Variants in TBC1D12 observed in about 807,000 individuals in gnomAD.
The protein encoded by TBC1D12 is TBC1 domain family, member 12.
Under a neutral mutation model 86.7 loss-of-function variants are expected in TBC1D12, and 56 were observed. The observed-to-expected ratio is 0.65, with a 90% CI of 0.52 to 0.81. The LOEUF (loss-of-function observed/expected upper bound fraction) is 0.81, where lower values mean the gene tolerates loss of function less well. Among genes scored for constraint, TBC1D12 ranks in the 30% least tolerant of loss-of-function variants. TBC1D12 has a pLI of 0.00. For missense variants in TBC1D12, 1,023 were observed against 1,038.8 expected, an observed-to-expected ratio of 0.98 and a Z score of 0.21; for synonymous variants, 421 against 411.7, an observed-to-expected ratio of 1.02 and a Z score of -0.27.
At chr10:94,504,751 T>C (rs2056439978) in intron 6 of TBC1D12, among the ~76,000 whole-genome samples, 1 of 152,222 alleles carries the variant, frequency 6.6e-6, no homozygotes, top group African/African-American at 2.4e-5. Flanking sequence ...AGGAGTGTTC[T>C]AACAGTTATT....
At chr10:94,519,335 T>C (rs771584218) in intron 9 of TBC1D12, among the ~76,000 whole-genome samples, 2 of 152,202 alleles carry the variant, frequency 1.3e-5, no homozygotes, top group Non-Finnish European at 2.9e-5. Context: ...AAACATGGTG[T>C]GGTCTCTGTG....
At chr10:94,469,144 A>G (rs1242109634) in intron 2 of TBC1D12, among the ~76,000 whole-genome samples, 1 of 152,212 alleles carries the variant, frequency 6.6e-6, no homozygotes, top group Non-Finnish European at 1.5e-5. Context: ...AAAATCAAGT[A>G]TTATTCAGCC....
intron 9 of TBC1D12, among the ~76,000 whole-genome samples, chr10:94,513,818 C>T (rs751242915): frequency 2.8e-4 from 43 of 152,218 alleles, no homozygotes; most frequent in Non-Finnish European, 5.4e-4. Context: ...ATTGGTCTCC[C>T]ATAGTGCTGG....
chr10:94,423,855 T>C (rs1183509018), intron 1 of TBC1D12, among the ~76,000 whole-genome samples: 2 of 152,080 alleles, frequency 1.3e-5, no homozygotes, highest in African/African-American at 4.8e-5. Flanking sequence ...TGGGAGTAGG[T>C]TGTAGGCATG....
chr10:94,461,387 G>A (rs770629978), intron 2 of TBC1D12, among the ~76,000 whole-genome samples: 2 of 152,136 alleles, frequency 1.3e-5, no homozygotes, highest in Admixed American at 6.5e-5. Context: ...AGTTAGGTTA[G>A]AGCAGGTTAG....
intron 4 of TBC1D12, among the ~76,000 whole-genome samples, chr10:94,495,155 C>T (rs530676780): frequency 9.9e-5 from 15 of 152,060 alleles, no homozygotes; most frequent in East Asian, 1.9e-4. Context: ...TCCAGAGTGG[C>T]GGGGATTATA....
intron 3 of TBC1D12, among the ~76,000 whole-genome samples, chr10:94,476,672 A>G (rs2055992362): frequency 6.6e-6 from 1 of 152,222 alleles, no homozygotes; most frequent in Non-Finnish European, 1.5e-5. Flanking sequence ...TATGCTTTTT[A>G]CCGGGAATGT....
chr10:94,459,677 G>C (rs1462161944), intron 2 of TBC1D12, among the ~76,000 whole-genome samples: 2 of 152,326 alleles, frequency 1.3e-5, no homozygotes, highest in African/African-American at 4.8e-5. Flanking sequence ...GAGAATTTGA[G>C]TGCGGCACGG....
At chr10:94,408,259 A>AT (rs1283210209) in intron 1 of TBC1D12, among the ~76,000 whole-genome samples, 3 of 151,884 alleles carry the variant, frequency 2.0e-5, no homozygotes, top group Non-Finnish European at 2.9e-5. Context: ...ATAATTGGAG[A>AT]TTTTTTTCCC....
chr10:94,518,803 G>A (rs1842067772), intron 9 of TBC1D12, among the ~76,000 whole-genome samples: 2 of 152,156 alleles, frequency 1.3e-5, no homozygotes, highest in African/African-American at 2.4e-5. Flanking sequence ...GGCTGGACAC[G>A]GTGGCTCACG....
At chr10:94,505,819 A>C (rs935557497) in intron 6 of TBC1D12, among the ~76,000 whole-genome samples, 2 of 152,184 alleles carry the variant, frequency 1.3e-5, no homozygotes, top group Admixed American at 6.5e-5. Context: ...AAGCAAATCT[A>C]TATCTACTAA....
Position 94,434,129 on chromosome 10 carries a change from G to A in TBC1D12, c.972-7767G>A, listed in dbSNP as rs138128006. Among the ~76,000 whole-genome samples the A allele has an allele frequency of 1.8e-4, 27 of 152,272 alleles. No homozygotes were observed. The East Asian group carries it at 4.8e-3, about 27-fold the overall frequency. On this transcript the variant is annotated intron_variant, in intron 1 of 12. Transcript: ENST00000225235. ...TTTATCCATTTTGGTTCAAGTAAGT[G>A]TACCTAAGCTTTGTGGCAGAAGATG...
Position 94,402,780 on chromosome 10 carries a change from A to C in TBC1D12, c.167A>C (p.Glu56Ala). 2 of 1,547,058 alleles carry C rather than the reference A, an allele frequency of 1.3e-6. No individual in the cohort carries two copies. Among genetic ancestry groups the C allele is most frequent in the Non-Finnish European group, 1.7e-6 (2 of 1,145,638 alleles). Residue 56 changes from glutamate to alanine, a missense_variant, in exon 1 of 13, where the codon GAG becomes GCG. Coordinates refer to ENST00000225235, the MANE Select transcript of TBC1D12 (RefSeq NM_015188.2). ...VEPPEEADEEEEADEEEETPP... is the reference protein window; with the variant it reads ...VEPPEEADEEAEADEEEETPP... Reference sequence around the variant, plus strand: ...CCGCCGGAGGAGGCTGACGAGGAGGAGGAGGCTGACGAGGAGGAGGAGACG... The same window carrying C: ...CCGCCGGAGGAGGCTGACGAGGAGGCGGAGGCTGACGAGGAGGAGGAGACG...
chr10:94,472,008 G>T (rs2055914441), intron 2 of TBC1D12, among the ~76,000 whole-genome samples: 2 of 151,958 alleles, frequency 1.3e-5, no homozygotes, highest in Non-Finnish European at 2.9e-5. Context: ...TCTGTCTGGG[G>T]GTCTCCTTTT....
At chr10:94,480,903 A>G (rs1044870402) in intron 3 of TBC1D12, among the ~76,000 whole-genome samples, 1 of 151,950 alleles carries the variant, frequency 6.6e-6, no homozygotes, top group Non-Finnish European at 1.5e-5. Context: ...TTGAAAGTCA[A>G]AATTACTTCT....
At chr10:94,424,079 A>G (rs1224963717) in intron 1 of TBC1D12, among the ~76,000 whole-genome samples, 1 of 152,240 alleles carries the variant, frequency 6.6e-6, no homozygotes, top group African/African-American at 2.4e-5. Flanking sequence ...TTTAAAGTAT[A>G]CAAGAAGATG....
In TBC1D12 at chr10:94,493,445, G is replaced by A. The variant is rs761457667; in HGVS notation, c.1292G>A (p.Arg431Gln). 3 of 1,608,996 alleles carry A rather than the reference G, an allele frequency of 1.9e-6. No individual in the cohort carries two copies. The highest frequency in any genetic ancestry group is 2.2e-5 in the East Asian group (1 of 44,838). ...YDEMVAEAKK[R>Q]EIKEAHKRKR... ...GAGATGGTGGCTGAGGCTAAAAAAC[G>A]AGGTATAAAATTTAACTCCAAATGG... The change falls in exon 4 of 13, where the codon CGA becomes CAA. Residue 431 changes from arginine to glutamine, a missense_variant and splice_region_variant. Transcript: ENST00000225235.
chr10:94,521,207 CAAAAAAAAGAAACCAAA>C, intron 9 of TBC1D12, among the ~76,000 whole-genome samples: 1 of 29,118 alleles, frequency 3.4e-5, no homozygotes, highest in East Asian at 8.9e-4. Flanking sequence ...GACCCTGCTT[CAAAAAAAAGAAACCAAA>C]AAAAAAAAAA....
intron 1 of TBC1D12, among the ~76,000 whole-genome samples, chr10:94,420,619 T>G (rs2055060499): frequency 6.6e-6 from 1 of 152,246 alleles, no homozygotes; most frequent in Non-Finnish European, 1.5e-5. Context: ...TCATATAGTT[T>G]GTCACCGTTT....
Sources: allele counts gnomAD v4.1 joint callset (sites outside exome capture counted in the v4.1 genomes callset), GRCh38; gene constraint gnomAD v4.1.1; transcripts MANE v1.5; gene names NCBI Gene and HGNC (gene_info 2026-07-23, HGNC 2026-07-21).